Variants in MICU1 observed in about 807,000 individuals in gnomAD.
The protein encoded by MICU1 is mitochondrial calcium uptake 1, also known as calcium uptake protein 1, mitochondrial.
MICU1 carries 45 observed loss-of-function variants against 56.8 expected under a neutral mutation model. That is an observed-to-expected ratio of 0.79 (90% CI 0.62 to 1.02). The LOEUF (loss-of-function observed/expected upper bound fraction) is 1.02. Among genes scored for constraint, MICU1 ranks in the 50% least tolerant of loss-of-function variants. The pLI is 0.00. For synonymous variants in MICU1, 186 were observed against 195.1 expected (o/e 0.95, Z 0.39); for missense variants, 504 against 587.1 (o/e 0.86, Z 1.46).
In MICU1 at chr10:72,533,738, T is replaced by C; in HGVS notation, c.537+8A>G. On this transcript the variant is annotated splice_region_variant and intron_variant, in intron 5 of 11. Transcript: ENST00000361114. ...GATATATGTATAGAAGTGTCATAGT[T>C]TGCTCACCTTTCCATCAAAGCGTTT... The C allele has an allele frequency of 1.9e-6, 3 of 1,595,312 alleles. No individual in the cohort carries two copies. Among genetic ancestry groups the C allele is most frequent in the Middle Eastern group, 1.7e-4 (1 of 6,008 alleles).
intron 8 of MICU1, among the ~76,000 whole-genome samples, chr10:72,465,349 C>T (rs1865761556): frequency 7.3e-6 from 1 of 136,438 alleles, no homozygotes; most frequent in African/African-American, 2.7e-5. Context: ...TAAACATATA[C>T]TTGGCTCACT....
intron 8 of MICU1, among the ~76,000 whole-genome samples, chr10:72,464,394 G>A (rs796122693): frequency 5.3e-5 from 8 of 150,706 alleles, no homozygotes; most frequent in African/African-American, 1.2e-4. Context: ...ACACACATAC[G>A]TATACACATT....
In MICU1 at chr10:72,524,818, A is replaced by G. The variant is rs1037820269; in HGVS notation, c.537+8928T>C. ...ATATGAACAAACTAATCAAATATAC[A>G]TATCACAAAACATAATATACAAAGA... On this transcript the variant is annotated intron_variant, in intron 5 of 11. Transcript: ENST00000361114. The G allele has an allele frequency of 7.3e-6, 7 of 955,196 alleles. No homozygotes were observed. In the African/African-American group the frequency reaches 8.5e-5, roughly 12 times the overall value. The allele number at this position is 955,196 out of a possible 1,614,324, so 59.2% of individuals were successfully genotyped here.
intron 1 of MICU1, among the ~76,000 whole-genome samples, chr10:72,600,855 G>A (rs1344652992): frequency 1.3e-5 from 2 of 152,056 alleles, no homozygotes; most frequent in African/African-American, 4.8e-5. Context: ...ATCCACTGAG[G>A]GTCTTAGAAC....
At chr10:72,503,899 CAT>C (rs1292654241) in intron 6 of MICU1, among the ~76,000 whole-genome samples, 3 of 148,100 alleles carry the variant, frequency 2.0e-5, no homozygotes, top group Non-Finnish European at 4.5e-5. Context: ...CACACACACA[CAT>C]ACACCCTAGG....
At chr10:72,535,188 C>A (rs930233704) in intron 4 of MICU1, among the ~76,000 whole-genome samples, 1 of 151,608 alleles carries the variant, frequency 6.6e-6, no homozygotes, top group Admixed American at 6.6e-5. Flanking sequence ...TGCCACGATA[C>A]CTGTCTGATT....
At chr10:72,570,854 T>C (rs1840592576) in intron 1 of MICU1, among the ~76,000 whole-genome samples, 1 of 151,872 alleles carries the variant, frequency 6.6e-6, no homozygotes, top group Non-Finnish European at 1.5e-5. Context: ...TCTTCCTGTC[T>C]GGCAACTTCT....
intron 6 of MICU1, among the ~76,000 whole-genome samples, chr10:72,503,398 T>C (rs979904479): frequency 6.6e-6 from 1 of 152,128 alleles, no homozygotes; most frequent in African/African-American, 2.4e-5. Flanking sequence ...TAGACGACAT[T>C]TAGCAATATC....
chr10:72,604,955 C>G (rs1478396527), intron 1 of MICU1, among the ~76,000 whole-genome samples: 1 of 152,140 alleles, frequency 6.6e-6, no homozygotes, highest in Non-Finnish European at 1.5e-5. Flanking sequence ...AACACTATCA[C>G]AAATGACCAT....
intron 10 of MICU1, among the ~76,000 whole-genome samples, chr10:72,401,088 C>T (rs1008239208): frequency 1.3e-5 from 2 of 152,062 alleles, no homozygotes; most frequent in Middle Eastern, 3.2e-3. Flanking sequence ...AGGTGTGTGC[C>T]ACTGAGCCCA....
chr10:72,541,755 G>GT (rs1008643238), intron 4 of MICU1, among the ~76,000 whole-genome samples: 2 of 152,134 alleles, frequency 1.3e-5, no homozygotes, highest in African/African-American at 4.8e-5. Context: ...CAATACAGCT[G>GT]TATCAGTTAA....
At chr10:72,377,504 C>A (rs1214955099) in intron 10 of MICU1, among the ~76,000 whole-genome samples, 1 of 152,070 alleles carries the variant, frequency 6.6e-6, no homozygotes, top group East Asian at 1.9e-4. Flanking sequence ...TTTTCTCTTG[C>A]CGTTTTCTCT....
intron 8 of MICU1, chr10:72,473,378 C>T (rs1042281665): frequency 6.6e-6 from 1 of 152,314 alleles, no homozygotes; most frequent in African/African-American, 2.4e-5. Context: ...GGCAGTCTCA[C>T]TGAGAGCTTT....
rs372035116 is a variant in MICU1, at chr10:72,485,361, A to T, written c.653-8105T>A. ...CCAAAGTGCTGGGATTGCAGGTGTG[A>T]GCCATCTTGCCTGGCCAAATAATCA... On this transcript the variant is annotated intron_variant, in intron 6 of 11. Coordinates refer to ENST00000361114, the MANE Select transcript of MICU1 (RefSeq NM_001195518.2). Among the ~76,000 whole-genome samples the T allele has an allele frequency of 2.0e-5, 3 of 152,144 alleles. No individual in the cohort carries two copies. In the South Asian group the frequency reaches 6.2e-4, roughly 32 times the overall value.
At chr10:72,385,911 A>G (rs2096917720) in intron 10 of MICU1, among the ~76,000 whole-genome samples, 1 of 152,212 alleles carries the variant, frequency 6.6e-6, no homozygotes, top group Admixed American at 6.5e-5. Context: ...GCCTGGTGGC[A>G]AGGAGCTGTA....
chr10:72,418,384 T>C (rs543037712), intron 9 of MICU1, among the ~76,000 whole-genome samples: 1 of 152,154 alleles, frequency 6.6e-6, no homozygotes, highest in Admixed American at 6.5e-5. Context: ...AGTGATCCTA[T>C]AGTAGAGAAG....
intron 1 of MICU1, among the ~76,000 whole-genome samples, chr10:72,588,654 G>A (rs1392666704): frequency 6.6e-6 from 1 of 152,128 alleles, no homozygotes; most frequent in African/African-American, 2.4e-5. Context: ...TAGTAAACCT[G>A]GAAAACACAG....
chr10:72,504,790 C>T (rs1420628464), intron 6 of MICU1, among the ~76,000 whole-genome samples: 1 of 151,878 alleles, frequency 6.6e-6, no homozygotes, highest in African/African-American at 2.4e-5. Flanking sequence ...AGCAAAAAAG[C>T]AAATAACCTC....
chr10:72,438,997 C>T (rs1414787568), intron 8 of MICU1, among the ~76,000 whole-genome samples: 1 of 152,192 alleles, frequency 6.6e-6, no homozygotes, highest in East Asian at 1.9e-4. Flanking sequence ...ACCATTCCTT[C>T]TGAAACTATT....
Sources: allele counts gnomAD v4.1 joint callset (sites outside exome capture counted in the v4.1 genomes callset), GRCh38; gene constraint gnomAD v4.1.1; transcripts MANE v1.5; gene names NCBI Gene and HGNC (gene_info 2026-07-23, HGNC 2026-07-21).